RORB: variants seen among roughly 807,000 people sequenced by gnomAD.
RORB encodes the protein nuclear receptor ROR-beta.
Under a neutral mutation model 59.1 loss-of-function variants are expected in RORB, and 6 were observed. The observed-to-expected ratio is 0.10, with a 90% confidence interval of 0.06 to 0.20. The LOEUF (loss-of-function observed/expected upper bound fraction) is 0.20, where lower values mean the gene tolerates loss of function less well. RORB is among the 10% of genes least tolerant of loss of function. The pLI is 1.00. For synonymous variants in RORB, 215 were observed against 204.5 expected, an observed-to-expected ratio of 1.05 and a Z score of -0.44; for missense variants, 320 against 560.5, an observed-to-expected ratio of 0.57 and a Z score of 4.33.
At chr9:74,680,980 T>C (rs1440425805) in intron 9 of RORB, among the ~76,000 whole-genome samples, 1 of 152,174 alleles carries the variant, frequency 6.6e-6, no homozygotes, top group Non-Finnish European at 1.5e-5. Context: ...AAACAGCTGC[T>C]TTTTCTTCTT....
Position 74,634,781 on chromosome 9 carries a change from T to C in RORB, c.235+9T>C. On this transcript the variant is annotated intron_variant, in intron 3 of 9. Coordinates refer to ENST00000376896, the MANE Select transcript of RORB (RefSeq NM_006914.4). Reference sequence around the variant, plus strand: ...AGGAATGTCAAGAGATGGTAAGACATTACCTTCCTGTTTCTTACTTAAGCC... The same window carrying C: ...AGGAATGTCAAGAGATGGTAAGACACTACCTTCCTGTTTCTTACTTAAGCC... The C allele has an allele frequency of 6.2e-7, 1 of 1,608,262 alleles. No individual in the cohort carries two copies. Among genetic ancestry groups the C allele is most frequent in the African/African-American group, 1.3e-5 (1 of 74,700 alleles).
chr9:74,673,669 T>A (rs1824386260), intron 9 of RORB, among the ~76,000 whole-genome samples: 1 of 152,152 alleles, frequency 6.6e-6, no homozygotes, highest in Non-Finnish European at 1.5e-5. Flanking sequence ...AGAAAGAAAA[T>A]TATGTCAACT....
intron 4 of RORB, among the ~76,000 whole-genome samples, chr9:74,658,696 TG>T (rs200129598): frequency 0.012 from 1,850 of 152,294 alleles, 24 homozygotes; most frequent in Non-Finnish European, 0.02. Flanking sequence ...AAAGCAAATA[TG>T]TTTTTTTAGA....
At chr9:74,620,625 T>C (rs897566957) in intron 1 of RORB, among the ~76,000 whole-genome samples, 1 of 152,238 alleles carries the variant, frequency 6.6e-6, no homozygotes, top group Admixed American at 6.5e-5. Context: ...CTAGTTCTTT[T>C]AATTGTGATG....
chr9:74,598,130 T>C (rs1334634558), intron 1 of RORB, among the ~76,000 whole-genome samples: 1 of 152,192 alleles, frequency 6.6e-6, no homozygotes, highest in Non-Finnish European at 1.5e-5. Context: ...TGTATTGGAC[T>C]GTGCTGATCT....
intron 3 of RORB, among the ~76,000 whole-genome samples, chr9:74,639,821 A>T (rs1823766384): frequency 6.6e-6 from 1 of 152,200 alleles, no homozygotes; most frequent in African/African-American, 2.4e-5. Context: ...ATCAATATTT[A>T]TAGTTGTTTA....
At chr9:74,548,597 A>AC (rs1369784484) in intron 1 of RORB, among the ~76,000 whole-genome samples, 1 of 152,244 alleles carries the variant, frequency 6.6e-6, no homozygotes, top group East Asian at 1.9e-4. Context: ...CACAAACAGC[A>AC]CACTGCACAA....
chr9:74,622,619 C>G (rs564179586), intron 1 of RORB, among the ~76,000 whole-genome samples: 1 of 149,688 alleles, frequency 6.7e-6, no homozygotes, highest in Non-Finnish European at 1.5e-5. Context: ...CTCCACCTCC[C>G]GAGTTCAAGC....
intron 1 of RORB, among the ~76,000 whole-genome samples, chr9:74,604,135 T>C (rs1167717940): frequency 6.6e-6 from 1 of 152,202 alleles, no homozygotes; most frequent in Non-Finnish European, 1.5e-5. Flanking sequence ...TGATCTAGAA[T>C]CTCCAATAAG....
chr9:74,587,530 G>T (rs2118275316), intron 1 of RORB, among the ~76,000 whole-genome samples: 1 of 152,206 alleles, frequency 6.6e-6, no homozygotes, highest in South Asian at 2.1e-4. Flanking sequence ...TGAGTCTGTG[G>T]GTCAACTGGG....
At chr9:74,681,445 G>A (rs1385876120) in intron 9 of RORB, among the ~76,000 whole-genome samples, 1 of 152,186 alleles carries the variant, frequency 6.6e-6, no homozygotes, top group Non-Finnish European at 1.5e-5. Flanking sequence ...GTGTCTTGCA[G>A]TCAGCCTATT....
chr9:74,523,723 A>G (rs1328146576), intron 1 of RORB, among the ~76,000 whole-genome samples: 1 of 151,978 alleles, frequency 6.6e-6, no homozygotes, highest in Admixed American at 6.6e-5. Context: ...CTCTTTGTCT[A>G]GAAGACGGTT....
At chr9:74,528,388 A>G (rs533161600) in intron 1 of RORB, among the ~76,000 whole-genome samples, 2 of 152,166 alleles carry the variant, frequency 1.3e-5, no homozygotes, top group African/African-American at 4.8e-5. Flanking sequence ...CTCAGGCATC[A>G]ACGTCTCAAG....
At chr9:74,572,197 G>A (rs188488466) in intron 1 of RORB, among the ~76,000 whole-genome samples, 1 of 152,216 alleles carries the variant, frequency 6.6e-6, no homozygotes, top group East Asian at 1.9e-4. Context: ...TAAATTCAAC[G>A]GGATAGGGAA....
chr9:74,500,010 C>T (rs116341351), intron 1 of RORB, among the ~76,000 whole-genome samples: 282 of 152,232 alleles, frequency 1.9e-3, no homozygotes, highest in African/African-American at 6.6e-3. Context: ...TGTCCTGGTT[C>T]GCCACGGCGG....
chr9:74,609,799 C>T (rs1194311961), intron 1 of RORB, among the ~76,000 whole-genome samples: 3 of 152,110 alleles, frequency 2.0e-5, no homozygotes, highest in Non-Finnish European at 2.9e-5. Context: ...AACTCTAGAA[C>T]AGTGGTTGTC....
intron 1 of RORB, 55 bp from the exon 2 acceptor site, chr9:74,630,227 G>A (rs955109426): frequency 1.9e-6 from 3 of 1,598,878 alleles, no homozygotes; most frequent in East Asian, 4.5e-5. Context: ...GATAGGAAGA[G>A]TGAAAGGAGA....
chr9:74,571,229 T>C (rs560948645), intron 1 of RORB, among the ~76,000 whole-genome samples: 1 of 152,060 alleles, frequency 6.6e-6, no homozygotes, highest in Non-Finnish European at 1.5e-5. Flanking sequence ...TCGATTAAAT[T>C]TGAAACAAAA....
intron 1 of RORB, among the ~76,000 whole-genome samples, chr9:74,539,559 C>T (rs1826372343): frequency 1.3e-5 from 2 of 152,070 alleles, no homozygotes; most frequent in South Asian, 2.1e-4. Flanking sequence ...AAGTACTGGG[C>T]TACAGCGTTA....
Sources: gnomAD v4.1 joint callset for allele counts (sites outside exome capture counted in the v4.1 genomes callset) on GRCh38, gnomAD v4.1.1 for gene constraint, MANE v1.5 for transcripts, NCBI Gene and HGNC (gene_info 2026-07-23, HGNC 2026-07-21) for gene names.